XPA: variants seen among roughly 807,000 people sequenced by gnomAD.
The protein encoded by XPA is XPA, DNA damage recognition and repair factor, also known as DNA repair protein complementing XP-A cells.
Under a neutral mutation model 35.7 loss-of-function variants are expected in XPA, and 27 were observed. The ratio of observed to expected loss-of-function variants is 0.76; its 90% CI spans 0.56 to 1.04. XPA has a LOEUF of 1.04. Ranked by LOEUF, XPA falls within the 50% of genes least tolerant of loss-of-function variation. The pLI, the probability that XPA is intolerant of heterozygous loss-of-function variation, is 0.00. For missense variants in XPA, 354 were observed against 342.7 expected, an observed-to-expected ratio of 1.03 and a Z score of -0.26; for synonymous variants, 133 against 118.4, an observed-to-expected ratio of 1.12 and a Z score of -0.80.
chr9:97,664,217 C>T, the XPA span: 12 of 555,902 alleles, frequency 2.2e-5, no homozygotes, highest in Non-Finnish European at 3.8e-5. Flanking sequence ...CAATCAATTC[C>T]ATAGCCACCA....
At chr9:97,685,596 A>G (rs1321087206) in intron 4 of XPA, among the ~76,000 whole-genome samples, 2 of 152,252 alleles carry the variant, frequency 1.3e-5, no homozygotes, top group Admixed American at 6.5e-5. Context: ...TTTACTCTTT[A>G]TAGTATTTAC....
chr9:97,692,826 T>C (rs1828933273), intron 2 of XPA, among the ~76,000 whole-genome samples: 1 of 152,182 alleles, frequency 6.6e-6, no homozygotes, highest in Non-Finnish European at 1.5e-5. Context: ...AAATGTAATA[T>C]GCTTGAATCA....
At chr9:97,656,957 G>GT in the XPA span, among the ~76,000 whole-genome samples, 658 of 151,836 alleles carry the variant, frequency 4.3e-3, 5 homozygotes, top group African/African-American at 0.015. Context: ...GGTCTGGAGT[G>GT]TTTTTTTTGT....
chr9:97,689,740 T>TA (rs1363030039), intron 2 of XPA, 101 bp from the exon 3 acceptor site: 10 of 633,376 alleles, frequency 1.6e-5, no homozygotes, highest in African/African-American at 1.5e-4. Context: ...ATGCCTGACA[T>TA]AAATACATTT....
the XPA span, chr9:97,661,997 T>C: frequency 2.9e-6 from 4 of 1,380,650 alleles, no homozygotes; most frequent in African/African-American, 2.9e-5. Context: ...CACCAAGGAA[T>C]TGCTGTGCTT....
In XPA at chr9:97,684,948, C is replaced by G. The variant is rs75031098; in HGVS notation, c.648G>C (p.Gln216His). 2.5e-6 allele frequency: 4 copies of G among 1,613,446 alleles called. No homozygotes were observed. In the East Asian group the frequency reaches 8.9e-5, roughly 36 times the overall value. The change falls in exon 5 of 6, where the codon CAG becomes CAC. Residue 216 changes from glutamine to histidine, a missense_variant. Coordinates refer to ENST00000375128, the MANE Select transcript of XPA (RefSeq NM_000380.4). ...VRQENREKMKQKKFDKKVKEL... is the reference protein window; with the variant it reads ...VRQENREKMKHKKFDKKVKEL... Reference sequence around the variant, plus strand: ...CTTTTACTTTTTTATCAAATTTCTTCTGTTTCATTTTTTCTCGGTTTTCCT... The same window carrying G: ...CTTTTACTTTTTTATCAAATTTCTTGTGTTTCATTTTTTCTCGGTTTTCCT...
the XPA span, chr9:97,660,801 G>A: frequency 1.1e-6 from 1 of 929,742 alleles, no homozygotes; most frequent in Non-Finnish European, 1.6e-6. Context: ...GTATTTATAT[G>A]TGATTAAATA....
chr9:97,664,923 C>A, the XPA span, among the ~76,000 whole-genome samples: 6 of 152,296 alleles, frequency 3.9e-5, no homozygotes, highest in South Asian at 1.0e-3. Context: ...GGGGTTCTCA[C>A]CACAGTCATA....
At chr9:97,689,433 A>G in intron 3 of XPA, 101 bp downstream of exon 3, 1 of 784,302 alleles carries the variant, frequency 1.3e-6, no homozygotes, top group Non-Finnish European at 2.2e-6. Flanking sequence ...AATGAAATTC[A>G]TAATTACTAA....
the XPA span, chr9:97,668,803 G>A: frequency 6.3e-7 from 1 of 1,593,764 alleles, no homozygotes; most frequent in South Asian, 1.1e-5. Flanking sequence ...TAACACACTG[G>A]AATCTAAATG....
In XPA at chr9:97,685,025, G is replaced by C. The variant is rs562768588; in HGVS notation, c.571C>G (p.Leu191Val). 72 of 1,613,352 alleles carry C rather than the reference G, an allele frequency of 4.5e-5. No individual in the cohort carries two copies. In the East Asian group the frequency reaches 1.6e-3, roughly 35 times the overall value. The change falls in exon 5 of 6, where the codon CTT becomes GTT. Residue 191 changes from leucine (L) to valine (V), a missense_variant. By Grantham distance (32) the Leu-to-Val change is conservative (BLOSUM62 1). Coordinates refer to ENST00000375128, the MANE Select transcript of XPA (RefSeq NM_000380.4). ...YLKLQIVKRS[L>V]EVWGSQEALE... ...GCTTCTTGACTACCCCAAACTTCAA[G>C]AGACCTCTTCACAATCTACAACACA...
At chr9:97,678,350 G>A (rs531755855) in intron 5 of XPA, among the ~76,000 whole-genome samples, 1 of 152,030 alleles carries the variant, frequency 6.6e-6, no homozygotes, top group Non-Finnish European at 1.5e-5. Flanking sequence ...GCAGTGAGCT[G>A]AGGTTGCGCC....
At chr9:97,667,286 C>T in the XPA span, among the ~76,000 whole-genome samples, 23 of 152,074 alleles carry the variant, frequency 1.5e-4, no homozygotes, top group Non-Finnish European at 3.2e-4. Context: ...CCCAAGTTAA[C>T]GGAATACTTC....
At chr9:97,694,937 T>C (rs543212437) in intron 1 of XPA, among the ~76,000 whole-genome samples, 4 of 152,238 alleles carry the variant, frequency 2.6e-5, no homozygotes, top group Non-Finnish European at 4.4e-5. Context: ...AAACTACCAA[T>C]GCACGCAACA....
chr9:97,673,323 C>T (rs966566334), downstream of XPA: 1 of 152,040 alleles, frequency 6.6e-6, no homozygotes, highest in Non-Finnish European at 1.5e-5. Context: ...TAAAATGACT[C>T]CTGTCTCAAA....
At chr9:97,672,239 T>C (rs1009076619), downstream of XPA, 5 of 152,086 alleles carry the variant, frequency 3.3e-5, no homozygotes, top group Non-Finnish European at 5.9e-5. Flanking sequence ...CATTAAACCT[T>C]AGAAAAAAAT....
the XPA span, chr9:97,656,033 C>T: frequency 6.2e-7 from 1 of 1,613,994 alleles, no homozygotes; most frequent in Non-Finnish European, 8.5e-7. Context: ...TAGTCAAGAT[C>T]CTGAAAGTCC....
chr9:97,674,828 C>G (rs1416760878), downstream of XPA: 1 of 391,776 alleles, frequency 2.6e-6, no homozygotes, highest in Non-Finnish European at 4.9e-6. Context: ...AGCTCTTTTC[C>G]ATTTTAATCC....
the XPA span, among the ~76,000 whole-genome samples, chr9:97,667,905 TACC>T: frequency 6.6e-6 from 1 of 152,216 alleles, no homozygotes; most frequent in Non-Finnish European, 1.5e-5. Context: ...TCTAGAACCT[TACC>T]TTTGAGTGGT....
Sources: gnomAD v4.1 joint callset for allele counts (sites outside exome capture counted in the v4.1 genomes callset) on GRCh38, gnomAD v4.1.1 for gene constraint, MANE v1.5 for transcripts, NCBI Gene and HGNC (gene_info 2026-07-23, HGNC 2026-07-21) for gene names.